Variants in HERPUD2 observed in about 807,000 individuals in gnomAD.
HERPUD2 encodes the protein homocysteine-responsive endoplasmic reticulum-resident ubiquitin-like domain member 2 protein.
A neutral mutation model predicts 49.9 loss-of-function variants in HERPUD2; 13 were observed. The observed-to-expected ratio is 0.26, with a 90% CI of 0.17 to 0.41. The LOEUF is 0.41. Among genes scored for constraint, HERPUD2 ranks in the 10% least tolerant of loss-of-function variants. The pLI, the probability that HERPUD2 is intolerant of heterozygous loss-of-function variation, is 1.00. For synonymous variants in HERPUD2, 172 were observed against 171.4 expected, an observed-to-expected ratio of 1.00 and a Z score of -0.03; for missense variants, 449 against 492.2, an observed-to-expected ratio of 0.91 and a Z score of 0.83.
chr7:35,636,817 T>G (rs776586862), intron 6 of HERPUD2, among the ~76,000 whole-genome samples: 3 of 152,030 alleles, frequency 2.0e-5, no homozygotes, highest in East Asian at 1.9e-4. Context: ...ATGACTGACT[T>G]AATTATGTGT....
intron 5 of HERPUD2, among the ~76,000 whole-genome samples, chr7:35,647,563 A>G (rs1213461047): frequency 2.6e-5 from 4 of 151,716 alleles, no homozygotes; most frequent in African/African-American, 9.8e-5. Flanking sequence ...TCTGACGGGT[A>G]GATCTGACCA....
chr7:35,654,074 G>A (rs1281755596), intron 5 of HERPUD2, among the ~76,000 whole-genome samples: 1 of 152,040 alleles, frequency 6.6e-6, no homozygotes, highest in Non-Finnish European at 1.5e-5. Flanking sequence ...CAAAAGTGGT[G>A]CTAAGAGAGA....
At chr7:35,671,366 G>A (rs1384835170) in intron 3 of HERPUD2, among the ~76,000 whole-genome samples, 2 of 151,972 alleles carry the variant, frequency 1.3e-5, no homozygotes, top group East Asian at 3.8e-4. Context: ...GGAGGAAGGA[G>A]TTACTAAGGG....
intron 5 of HERPUD2, among the ~76,000 whole-genome samples, chr7:35,645,138 A>G (rs1053262130): frequency 1.3e-5 from 2 of 152,230 alleles, no homozygotes; most frequent in African/African-American, 2.4e-5. Flanking sequence ...GTTCATTACA[A>G]TATCTTCTGT....
In HERPUD2 at chr7:35,634,350, C is replaced by T. The variant is rs1349915658; in HGVS notation, c.1021G>A (p.Asp341Asn). 1.2e-6 allele frequency: 2 copies of T among 1,613,768 alleles called. No homozygotes were observed. The highest frequency in any genetic ancestry group is 1.3e-5 in the African/African-American group (1 of 75,044). The stretch of plus-strand genomic sequence containing the variant: ...TCCAAGTTGTTTGCATTTTGCCCAT[C>T]ATTGTTAACTTCGGCATTATTGTTG... ...APNNNAEVNN[D>N]GQNANNLELE... The change falls in exon 8 of 9, where the codon GAT (aspartate) becomes AAT (asparagine). Residue 341 changes from aspartate to asparagine, a missense_variant. By Grantham distance (23) the Asp-to-Asn change is conservative. Transcript: ENST00000311350.
chr7:35,665,774 G>A (rs750591356), intron 5 of HERPUD2, among the ~76,000 whole-genome samples: 11 of 152,130 alleles, frequency 7.2e-5, no homozygotes, highest in East Asian at 1.9e-4. Context: ...AATATACTTC[G>A]AAGAGCTGAA....
rs1274244652 is a variant in HERPUD2, at chr7:35,643,262, C to T, written c.495-4790G>A. Among the ~76,000 whole-genome samples the T allele has an allele frequency of 2.0e-5, 3 of 152,278 alleles. No homozygotes were observed. The East Asian group carries it at 5.8e-4, about 29-fold the overall frequency. The stretch of plus-strand genomic sequence containing the variant: ...TTACTCTCTGACCTATCTACTTTGG[C>T]CCATTCCTACTGTAAGACACAAATC... On this transcript the variant is annotated intron_variant, in intron 5 of 8. Coordinates refer to ENST00000311350, the MANE Select transcript of HERPUD2 (RefSeq NM_022373.5).
At chr7:35,649,404 T>C (rs572015580) in intron 5 of HERPUD2, among the ~76,000 whole-genome samples, 1 of 152,214 alleles carries the variant, frequency 6.6e-6, no homozygotes, top group African/African-American at 2.4e-5. Context: ...TACTAAAACG[T>C]TAGTAATCGT....
intron 2 of HERPUD2, among the ~76,000 whole-genome samples, chr7:35,687,918 A>C (rs1358616418): frequency 1.3e-5 from 2 of 152,234 alleles, no homozygotes; most frequent in Non-Finnish European, 1.5e-5. Context: ...TGTATGGCTT[A>C]AAAATCATGT....
chr7:35,675,273 C>A (rs564613802), intron 2 of HERPUD2, among the ~76,000 whole-genome samples: 1 of 152,180 alleles, frequency 6.6e-6, no homozygotes, highest in African/African-American at 2.4e-5. Flanking sequence ...TTCTGTATTG[C>A]GTGTTGTGAG....
At chr7:35,669,033 C>G (rs1281883454) in intron 4 of HERPUD2, among the ~76,000 whole-genome samples, 2 of 152,104 alleles carry the variant, frequency 1.3e-5, no homozygotes, top group African/African-American at 4.8e-5. Context: ...AATATACACA[C>G]TAATGACACA....
chr7:35,671,068 A>C (rs543738551), intron 3 of HERPUD2, among the ~76,000 whole-genome samples: 2 of 152,216 alleles, frequency 1.3e-5, no homozygotes, highest in South Asian at 2.1e-4. Context: ...TTAAAAAGAA[A>C]AGAACAGAAT....
In HERPUD2 at chr7:35,638,306, A is replaced by G. The variant is rs1251448002; in HGVS notation, c.617+44T>C. 6 of 1,526,022 alleles carry G rather than the reference A, an allele frequency of 3.9e-6. No homozygotes were observed. The African/African-American group carries it at 8.2e-5, about 21-fold the overall frequency. The allele number at this position is 1,526,022 out of a possible 1,614,324, so 94.5% of individuals were successfully genotyped here. ...TTAGGATAAAAAGAAAATAAAGCAA[A>G]TAACACACTGAGTAACTTAAAAAAT... On this transcript the variant is annotated intron_variant, in intron 6 of 8. Transcript: ENST00000311350.
At chr7:35,685,243 A>C (rs1786011114) in intron 2 of HERPUD2, among the ~76,000 whole-genome samples, 1 of 151,774 alleles carries the variant, frequency 6.6e-6, no homozygotes. Context: ...CTCAAAAAAA[A>C]AAAACAGAAA....
At chr7:35,688,290 G>A (rs1786107373) in intron 2 of HERPUD2, among the ~76,000 whole-genome samples, 1 of 152,146 alleles carries the variant, frequency 6.6e-6, no homozygotes, top group Non-Finnish European at 1.5e-5. Flanking sequence ...TAGAGGCACA[G>A]TCACCCAAAC....
chr7:35,663,278 T>A (rs1785467007), intron 5 of HERPUD2, among the ~76,000 whole-genome samples: 1 of 152,190 alleles, frequency 6.6e-6, no homozygotes, highest in Non-Finnish European at 1.5e-5. Flanking sequence ...AAATTTGTTA[T>A]AATTTACTGT....
intron 5 of HERPUD2, among the ~76,000 whole-genome samples, chr7:35,656,097 G>A (rs1472838231): frequency 6.6e-6 from 1 of 152,086 alleles, no homozygotes; most frequent in East Asian, 1.9e-4. Context: ...GAGAGACAGA[G>A]GTTGCAGTAA....
chr7:35,641,364 A>G (rs1467411905), intron 5 of HERPUD2, among the ~76,000 whole-genome samples: 1 of 152,204 alleles, frequency 6.6e-6, no homozygotes, highest in Non-Finnish European at 1.5e-5. Flanking sequence ...CTCATGGATA[A>G]GAAGAATCAA....
chr7:35,635,383 C>T lies in HERPUD2; in HGVS notation c.693G>A (p.Leu231=). The change falls in exon 7 of 9, where the codon TTG becomes TTA. Residue 231 remains leucine (L), a synonymous_variant. Coordinates refer to ENST00000311350, the MANE Select transcript of HERPUD2 (RefSeq NM_022373.5). ...TQPTTSQPLN[L]AHVPGEEPPP... is the part of the protein sequence containing the mutation. The stretch of plus-strand genomic sequence containing the variant: ...GGGGTTCTTCTCCAGGAACATGTGC[C>T]AAATTTAGAGGCTGTGAAGTAGTAG... The T allele has an allele frequency of 1.2e-6, 2 of 1,613,942 alleles. No individual in the cohort carries two copies. The highest frequency in any genetic ancestry group is 1.7e-6 in the Non-Finnish European group (2 of 1,179,978).
Sources: allele counts gnomAD v4.1 joint callset (sites outside exome capture counted in the v4.1 genomes callset), GRCh38; gene constraint gnomAD v4.1.1; transcripts MANE v1.5; gene names NCBI Gene and HGNC (gene_info 2026-07-23, HGNC 2026-07-21).